TMEM45B: variants seen among roughly 807,000 people sequenced by gnomAD.
TMEM45B encodes transmembrane protein 45B.
In TMEM45B, 29 loss-of-function variants were observed where a neutral mutation model predicts 27.3. The observed-to-expected ratio is 1.06, with a 90% CI of 0.79 to 1.45. The LOEUF (loss-of-function observed/expected upper bound fraction) is 1.45. Among genes scored for constraint, TMEM45B ranks in the 40% most tolerant of loss-of-function variants. TMEM45B has a pLI of 0.00. For synonymous variants in TMEM45B, 143 were observed against 134.7 expected (o/e 1.06, Z -0.43); for missense variants, 348 against 343.9 (o/e 1.01, Z -0.09).
chr11:129,834,504 C>CTGTAGAGAAAGAAAAA (rs1947594696), intron 1 of TMEM45B, among the ~76,000 whole-genome samples: 1 of 3,472 alleles, frequency 2.9e-4, no homozygotes, highest in Non-Finnish European at 3.2e-3. Flanking sequence ...AAAGAAAAAA[C>CTGTAGAGAAAGAAAAA]AGAGCTGTAG....
chr11:129,822,673 G>A lies in TMEM45B; in HGVS notation c.-9+6775G>A, dbSNP rs573601118. Among the ~76,000 whole-genome samples the A allele has an allele frequency of 2.0e-4, 31 of 152,174 alleles. 1 individual carries two copies. The highest frequency in any genetic ancestry group is 7.2e-4 in the African/African-American group (30 of 41,506). On this transcript the variant is annotated intron_variant, in intron 1 of 5. Transcript: ENST00000281441. ...GTCTAGGATTCAAAATGGGAAATGT[G>A]TCCTTGACTCCGCCTGCACTTTGAA...
intron 1 of TMEM45B, among the ~76,000 whole-genome samples, chr11:129,824,818 A>G (rs191253066): frequency 6.6e-6 from 1 of 152,362 alleles, no homozygotes; most frequent in East Asian, 1.9e-4. Context: ...CACAGAGGTG[A>G]GGCGCTTAGC....
At chr11:129,848,637 G>A (rs1276238038) in intron 1 of TMEM45B, among the ~76,000 whole-genome samples, 1 of 152,194 alleles carries the variant, frequency 6.6e-6, no homozygotes, top group Non-Finnish European at 1.5e-5. Flanking sequence ...CTGTGTCCAG[G>A]GTTGGAATAT....
chr11:129,832,699 C>T lies in TMEM45B; in HGVS notation c.-9+16801C>T, dbSNP rs370172302. ...GTAAACCAAAAAATACCAAATTAAA[C>T]ACCTTAAAAGGGTAAATTTTACGGT... On this transcript the variant is annotated intron_variant, in intron 1 of 5. Coordinates refer to ENST00000281441, the MANE Select transcript of TMEM45B (RefSeq NM_138788.5). Among the ~76,000 whole-genome samples, 8 of 152,180 alleles carry T rather than the reference C, an allele frequency of 5.3e-5. 1 individual carries two copies. In the East Asian group the frequency reaches 9.6e-4, roughly 18 times the overall value.
chr11:129,836,592 A>C (rs1484645040), intron 1 of TMEM45B, among the ~76,000 whole-genome samples: 1 of 152,194 alleles, frequency 6.6e-6, no homozygotes, highest in Non-Finnish European at 1.5e-5. Flanking sequence ...TTAAATTAAA[A>C]TGAGATCATT....
intron 1 of TMEM45B, among the ~76,000 whole-genome samples, chr11:129,837,848 C>T (rs1225206644): frequency 7.8e-6 from 1 of 128,278 alleles, no homozygotes; most frequent in Non-Finnish European, 1.6e-5. Context: ...GTGGCTCAAT[C>T]TCAGCTCACT....
At chr11:129,827,247 G>T (rs185889485) in intron 1 of TMEM45B, 3 of 152,226 alleles carry the variant, frequency 2.0e-5, no homozygotes, top group African/African-American at 7.2e-5. Context: ...GTCGTTAGGC[G>T]ATTTTGTTGT....
intron 1 of TMEM45B, among the ~76,000 whole-genome samples, chr11:129,831,209 A>G (rs1947542999): frequency 6.6e-6 from 1 of 152,196 alleles, no homozygotes; most frequent in Admixed American, 6.5e-5. Context: ...AGATCTTGGC[A>G]ATCTCAGCGT....
intron 1 of TMEM45B, among the ~76,000 whole-genome samples, chr11:129,819,518 G>GTCTTT (rs141695072): frequency 0.013 from 2,049 of 151,956 alleles, 51 homozygotes; most frequent in African/African-American, 0.047. Flanking sequence ...GTCTTGTCTT[G>GTCTTT]TCTTTTCTTT....
At chr11:129,817,502 G>C (rs904185462) in intron 1 of TMEM45B, among the ~76,000 whole-genome samples, 2 of 152,192 alleles carry the variant, frequency 1.3e-5, no homozygotes, top group Non-Finnish European at 1.5e-5. Context: ...CAGAAGGTGA[G>C]GCATGACCTC....
intron 1 of TMEM45B, among the ~76,000 whole-genome samples, chr11:129,851,202 C>T (rs1272185248): frequency 6.6e-6 from 1 of 152,186 alleles, no homozygotes; most frequent in Non-Finnish European, 1.5e-5. Flanking sequence ...AGGGCATCTG[C>T]TCCTAGTTCA....
Position 129,859,385 on chromosome 11 carries a change from A to T in TMEM45B, c.*700A>T, listed in dbSNP as rs544990310. ...GATTCTTCAAAGTCACCCTAAAAGA[A>T]GATCTGACAGGAAAGCTGTATAATG... On this transcript the variant is annotated 3_prime_UTR_variant, in exon 6 of 6. Transcript: ENST00000281441. The T allele has an allele frequency of 6.6e-6, 1 of 152,310 alleles. No homozygotes were observed. The highest frequency in any genetic ancestry group is 1.5e-5 in the Non-Finnish European group (1 of 68,024). 9.4% of individuals were successfully genotyped at this position (152,310 alleles called of 1,614,324 possible).
chr11:129,858,668 G>A lies in TMEM45B; in HGVS notation c.811G>A (p.Gly271Ser). 6.4e-7 allele frequency: 1 copy of A among 1,563,238 alleles called. No homozygotes were observed. The highest frequency in any genetic ancestry group is 1.3e-5 in the African/African-American group (1 of 74,202). ...DDTYQTALLSGSDEE is the reference protein window; with the variant it reads ...DDTYQTALLSSSDEE ...CACTTACCAGACCGCCCTCTTGAGTGGCTCAGATGAGGAATGAGCCGAGAT... is the reference window on the plus strand; with the variant it reads ...CACTTACCAGACCGCCCTCTTGAGTAGCTCAGATGAGGAATGAGCCGAGAT... Residue 271 changes from glycine (G) to serine (S), a missense_variant, in exon 6 of 6, where the codon GGC becomes AGC. Gly to Ser is a moderately conservative substitution (Grantham distance 56, BLOSUM62 0). Transcript: ENST00000281441.
chr11:129,827,839 G>A (rs1947504301), intron 1 of TMEM45B, among the ~76,000 whole-genome samples: 1 of 152,090 alleles, frequency 6.6e-6, no homozygotes, highest in Non-Finnish European at 1.5e-5. Flanking sequence ...GCGTGGTGGT[G>A]CACACCTGTG....
intron 1 of TMEM45B, among the ~76,000 whole-genome samples, chr11:129,845,593 C>T (rs1947750860): frequency 6.6e-6 from 1 of 151,902 alleles, no homozygotes; most frequent in South Asian, 2.1e-4. Context: ...TAAATGACAG[C>T]AGGAAATGAG....
At chr11:129,836,018 T>C (rs1399664396) in intron 1 of TMEM45B, among the ~76,000 whole-genome samples, 2 of 152,110 alleles carry the variant, frequency 1.3e-5, no homozygotes, top group East Asian at 3.9e-4. Flanking sequence ...CTTGGGAGAC[T>C]GAGGCAGGAG....
intron 1 of TMEM45B, among the ~76,000 whole-genome samples, chr11:129,832,985 T>TA (rs1947569398): frequency 6.6e-6 from 1 of 152,230 alleles, no homozygotes; most frequent in Non-Finnish European, 1.5e-5. Context: ...CTCACACCTG[T>TA]AATCCCAGCA....
At chr11:129,837,171 C>G (rs1947630522) in intron 1 of TMEM45B, among the ~76,000 whole-genome samples, 2 of 152,148 alleles carry the variant, frequency 1.3e-5, no homozygotes, top group Non-Finnish European at 2.9e-5. Context: ...TGAAATCCCA[C>G]TTACTCCCTC....
Position 129,854,665 on chromosome 11 carries a change from G to T in TMEM45B, c.234G>T (p.Glu78Asp), listed in dbSNP as rs373324042. 1.2e-6 allele frequency: 2 copies of T among 1,614,112 alleles called. No individual in the cohort carries two copies. The highest frequency in any genetic ancestry group is 2.2e-5 in the South Asian group (2 of 91,094). ...GGCCCCACCTGCACCTCTACCATGAGAACCACTGGATAAAGTTAATGAATT... is the reference window on the plus strand; with the variant it reads ...GGCCCCACCTGCACCTCTACCATGATAACCACTGGATAAAGTTAATGAATT... The part of the protein sequence containing the change: ...PDGPHLHLYH[E>D]NHWIKLMNWQ... The change falls in exon 3 of 6, where the codon GAG becomes GAT. Residue 78 changes from glutamate (E) to aspartate (D), a missense_variant. Coordinates refer to ENST00000281441, the MANE Select transcript of TMEM45B (RefSeq NM_138788.5).
Sources: gnomAD v4.1 joint callset for allele counts (sites outside exome capture counted in the v4.1 genomes callset) on GRCh38, gnomAD v4.1.1 for gene constraint, MANE v1.5 for transcripts, NCBI Gene and HGNC (gene_info 2026-07-23, HGNC 2026-07-21) for gene names.